Variants in RNF212 observed in about 807,000 individuals in gnomAD.
RNF212 encodes the protein ring finger protein 212.
RNF212 carries 33 observed loss-of-function variants against 34.7 expected under a neutral mutation model. The ratio of observed to expected loss-of-function variants is 0.95; its 90% CI spans 0.72 to 1.27. RNF212 has a LOEUF of 1.27. Among genes scored for constraint, RNF212 ranks in the 50% most tolerant of loss-of-function variants. The probability of loss-of-function intolerance (pLI) is 0.00; values close to 1 mark genes in which losing one functional copy is unlikely to be tolerated. For missense variants in RNF212, 377 were observed against 362.2 expected (o/e 1.04, Z -0.33); for synonymous variants, 140 against 136.1 (o/e 1.03, Z -0.20).
chr4:1,085,800 A>C, intron 5 of RNF212, 96 bp downstream of exon 5: 1 of 838,468 alleles, frequency 1.2e-6, no homozygotes, highest in African/African-American at 1.7e-5. Flanking sequence ...CTGCATCTGC[A>C]GTCATCTTTC....
At chr4:1,112,575 C>T (rs1447605684) in intron 1 of RNF212, among the ~76,000 whole-genome samples, 1 of 151,962 alleles carries the variant, frequency 6.6e-6, no homozygotes, top group Non-Finnish European at 1.5e-5. Context: ...CCAGAGTCCT[C>T]CACTGGCGTT....
chr4:1,099,991 G>A (rs1208761034), intron 2 of RNF212: 1 of 416,564 alleles, frequency 2.4e-6, no homozygotes, highest in African/African-American at 2.0e-5. Flanking sequence ...GCAGGAACGG[G>A]GTTCTCTGAC....
intron 2 of RNF212, among the ~76,000 whole-genome samples, chr4:1,105,274 T>A (rs1317841085): frequency 6.9e-6 from 1 of 144,982 alleles, no homozygotes; most frequent in Non-Finnish European, 1.5e-5. Flanking sequence ...GGAGCACAGC[T>A]GCTGCTCTGC....
At chr4:1,101,838 C>A (rs1724041064) in intron 2 of RNF212, among the ~76,000 whole-genome samples, 1 of 152,126 alleles carries the variant, frequency 6.6e-6, no homozygotes, top group African/African-American at 2.4e-5. Flanking sequence ...TTTCCTTGAC[C>A]TAAATGTTGG....
downstream of RNF212, among the ~76,000 whole-genome samples, chr4:1,069,098 C>G (rs529242746): frequency 1.3e-5 from 2 of 151,992 alleles, no homozygotes; most frequent in Non-Finnish European, 2.9e-5. Context: ...ATAGTCCCAG[C>G]TACTTGGGAG....
At chr4:1,104,408 C>A (rs940449644) in intron 2 of RNF212, among the ~76,000 whole-genome samples, 1 of 152,198 alleles carries the variant, frequency 6.6e-6, no homozygotes. Context: ...GGTCACCCCG[C>A]CCCCAGCAGC....
intron 3 of RNF212, among the ~76,000 whole-genome samples, chr4:1,061,734 C>T (rs1399897628): frequency 6.6e-6 from 1 of 152,240 alleles, no homozygotes; most frequent in Non-Finnish European, 1.5e-5. Context: ...TGAGCGGACA[C>T]ATCTGCGGCT....
chr4:1,068,981 G>A (rs1718265584), downstream of RNF212, among the ~76,000 whole-genome samples: 1 of 152,206 alleles, frequency 6.6e-6, no homozygotes, highest in South Asian at 2.1e-4. Flanking sequence ...GCTGAGGCAG[G>A]TGGATTGCCT....
At chr4:1,083,238 T>C (rs1372189965) in intron 5 of RNF212, among the ~76,000 whole-genome samples, 1 of 152,206 alleles carries the variant, frequency 6.6e-6, no homozygotes. Context: ...AAAGGCTGCC[T>C]GTGAAATGAC....
At chr4:1,087,239 GGGGAGAGAGGACGGGGTA>G (rs1163450200) in intron 4 of RNF212, among the ~76,000 whole-genome samples, 525 of 3,016 alleles carry the variant, frequency 0.17, 182 homozygotes, top group African/African-American at 0.39. Context: ...GGACGGGGTA[GGGGAGAGAGGACGGGGTA>G]GGGGAGAGAG....
intron 1 of RNF212, 97 bp from the exon 2 acceptor site, chr4:1,108,501 G>A: frequency 1.7e-6 from 1 of 577,980 alleles, no homozygotes; most frequent in Non-Finnish European, 2.8e-6. Flanking sequence ...GAAATAGGCA[G>A]GATTGTATCA....
downstream of RNF212, among the ~76,000 whole-genome samples, chr4:1,067,368 T>C (rs557461855): frequency 1.8e-4 from 28 of 152,266 alleles, no homozygotes; most frequent in African/African-American, 6.0e-4. Context: ...TTAATAATTA[T>C]ATAAAATATC....
intron 8 of RNF212, among the ~76,000 whole-genome samples, chr4:1,074,256 C>T (rs1159266345): frequency 2.0e-5 from 3 of 152,200 alleles, no homozygotes; most frequent in East Asian, 1.9e-4. Context: ...CCTCTCAGTG[C>T]GACCTGGGGG....
intron 1 of RNF212, among the ~76,000 whole-genome samples, chr4:1,112,393 C>T (rs960262826): frequency 6.6e-5 from 10 of 152,142 alleles, no homozygotes; most frequent in African/African-American, 2.2e-4. Flanking sequence ...CCACCGGCAC[C>T]CAGCTGGCTG....
At chr4:1,080,862 G>A (rs1560113273) in intron 7 of RNF212, among the ~76,000 whole-genome samples, 3 of 152,244 alleles carry the variant, frequency 2.0e-5, no homozygotes, top group Non-Finnish European at 4.4e-5. Flanking sequence ...CCCCAGGCCG[G>A]GTTTTCTCTG....
intron 3 of RNF212, chr4:1,093,416 A>C (rs1722504511): frequency 1.4e-6 from 2 of 1,423,450 alleles, no homozygotes; most frequent in Non-Finnish European, 1.8e-6. Flanking sequence ...ATTAGAGCAT[A>C]AATGTTACAA....
At chr4:1,097,319 C>G (rs649616) in intron 2 of RNF212, among the ~76,000 whole-genome samples, 1 of 152,056 alleles carries the variant, frequency 6.6e-6, no homozygotes, top group Non-Finnish European at 1.5e-5. Flanking sequence ...AACAGCGTCT[C>G]GTAGGTCGGG....
At chr4:1,079,117 A>C (rs1434421480) in intron 8 of RNF212, among the ~76,000 whole-genome samples, 1 of 151,974 alleles carries the variant, frequency 6.6e-6, no homozygotes, top group African/African-American at 2.4e-5. Context: ...CACAGGGTCA[A>C]CACAGGACCA....
intron 2 of RNF212, among the ~76,000 whole-genome samples, chr4:1,105,745 C>CT (rs34776143): frequency 0.82 from 124,458 of 151,956 alleles, 52,438 homozygotes; most frequent in East Asian, 1. Flanking sequence ...ATAAAGCGTC[C>CT]TTCCACCGCA....
Sources: allele counts gnomAD v4.1 joint callset (sites outside exome capture counted in the v4.1 genomes callset), GRCh38; gene constraint gnomAD v4.1.1; transcripts MANE v1.5; gene names NCBI Gene and HGNC (gene_info 2026-07-23, HGNC 2026-07-21).